Variants in CDC42 observed in about 807,000 individuals in gnomAD.
CDC42 encodes cell division cycle 42.
In CDC42, 1 loss-of-function variant was observed where a neutral mutation model predicts 20.8. That is an observed-to-expected ratio of 0.05 (90% CI 0.02 to 0.23). CDC42 has a LOEUF of 0.23. Among genes scored for constraint, CDC42 ranks in the 10% least tolerant of loss-of-function variants. The pLI is 1.00. For missense variants in CDC42, 49 were observed against 227.9 expected (o/e 0.21, Z 5.05); for synonymous variants, 72 against 84.8 (o/e 0.85, Z 0.83).
chr1:22,060,743 A>T (rs1399969740), intron 1 of CDC42, among the ~76,000 whole-genome samples: 1 of 152,182 alleles, frequency 6.6e-6, no homozygotes, highest in Admixed American at 6.5e-5. Flanking sequence ...TTGGAGAAGA[A>T]CTCAGTTTTA....
In CDC42 at chr1:22,099,693, C is replaced by T. The variant is rs1416431179; in HGVS notation, c.*8176C>T. Among the ~76,000 whole-genome samples, 3 of 152,070 alleles carry T rather than the reference C, an allele frequency of 2.0e-5. No individual in the cohort carries two copies. The highest frequency in any genetic ancestry group is 7.3e-5 in the African/African-American group (3 of 41,378). ...AGTTGTAGCATGAGAGAATATGACA[C>T]CTTCTTCCTTTAGAGGATCTAAAGG... On this transcript the variant is annotated 3_prime_UTR_variant, in exon 6 of 6. Transcript: ENST00000656825.
chr1:22,086,267 G>A (rs1251415597), intron 3 of CDC42, among the ~76,000 whole-genome samples, 172 bp from the exon 4 acceptor site: 1 of 152,158 alleles, frequency 6.6e-6, no homozygotes, highest in African/African-American at 2.4e-5. Context: ...CTGAGTGCTT[G>A]AAGTTTGTAG....
intron 1 of CDC42, among the ~76,000 whole-genome samples, chr1:22,060,252 C>T (rs778076054): frequency 6.6e-6 from 1 of 152,018 alleles, no homozygotes; most frequent in African/African-American, 2.4e-5. Context: ...GCACGAGAAT[C>T]GCTTGAACCT....
intron 3 of CDC42, among the ~76,000 whole-genome samples, chr1:22,082,057 A>G (rs753694054): frequency 9.2e-5 from 14 of 152,188 alleles, no homozygotes; most frequent in Non-Finnish European, 1.8e-4. Context: ...CAAGCTCCAA[A>G]TTGAACTAAA....
At chr1:22,083,974 AGTT>A (rs1645633870) in intron 3 of CDC42, among the ~76,000 whole-genome samples, 1 of 152,162 alleles carries the variant, frequency 6.6e-6, no homozygotes, top group African/African-American at 2.4e-5. Flanking sequence ...GTGTATTGGT[AGTT>A]GTTTCTTTTG....
intron 1 of CDC42, among the ~76,000 whole-genome samples, chr1:22,072,134 G>C (rs932575627): frequency 9.1e-6 from 1 of 109,572 alleles, no homozygotes; most frequent in African/African-American, 3.7e-5. Context: ...GTCTCGCTCT[G>C]TTGCCCAGGC....
chr1:22,087,423 C>T (rs552344533), intron 5 of CDC42, among the ~76,000 whole-genome samples: 42 of 152,104 alleles, frequency 2.8e-4, no homozygotes, highest in Admixed American at 1.6e-3. Context: ...TCATGCATTC[C>T]GGCCGTTTTT....
In CDC42 at chr1:22,094,707, A is replaced by G. The variant is rs1355453307; in HGVS notation, c.*3190A>G. 6.6e-6 allele frequency among the ~76,000 whole-genome samples: 1 copy of G among 152,146 alleles called. No individual in the cohort carries two copies. Among genetic ancestry groups the G allele is most frequent in the Non-Finnish European group, 1.5e-5 (1 of 68,018 alleles). On this transcript the variant is annotated 3_prime_UTR_variant, in exon 6 of 6. Transcript: ENST00000656825. ...ATTGTGGTTTAAAAGAACAATTGTA[A>G]TATTTCCTTCATTCTGAGGTGTATT...
intron 1 of CDC42, among the ~76,000 whole-genome samples, chr1:22,054,921 ATTTTTTTTTTTTTTTTT>A (rs1180547322): frequency 5.7e-4 from 11 of 19,376 alleles, no homozygotes; most frequent in East Asian, 2.3e-3. Flanking sequence ...ATATATATAT[ATTTTTTTTTTTTTTTTT>A]TTTTTTTTTT....
chr1:22,056,043 C>T (rs970535834), intron 1 of CDC42, among the ~76,000 whole-genome samples: 1 of 152,156 alleles, frequency 6.6e-6, no homozygotes, highest in East Asian at 1.9e-4. Flanking sequence ...TCAGTGTTCT[C>T]TTCCACATAG....
intron 1 of CDC42, among the ~76,000 whole-genome samples, chr1:22,062,797 G>A (rs1186215002): frequency 6.9e-6 from 1 of 144,210 alleles, no homozygotes; most frequent in African/African-American, 2.6e-5. Flanking sequence ...TTTGTCTATG[G>A]TACAAACCTA....
intron 1 of CDC42, among the ~76,000 whole-genome samples, chr1:22,073,028 G>A (rs1030947255): frequency 1.3e-5 from 2 of 152,148 alleles, no homozygotes. Context: ...TGGGGCACGG[G>A]AAAATAGGGC....
At chr1:22,054,905 ATATATATATATATATATTTTTTTTTTTT>A (rs1645279754) in intron 1 of CDC42, among the ~76,000 whole-genome samples, 5 of 12,110 alleles carry the variant, frequency 4.1e-4, no homozygotes, top group South Asian at 4.5e-3. Flanking sequence ...ATATATATAT[ATATATATATATATATATTTTTTTTTTTT>A]TTTTTTTTTT....
At chr1:22,058,155 G>A (rs1459380334) in intron 1 of CDC42, among the ~76,000 whole-genome samples, 2 of 152,076 alleles carry the variant, frequency 1.3e-5, no homozygotes, top group African/African-American at 2.4e-5. Flanking sequence ...AGAACTATCA[G>A]GATTCATCCC....
At chr1:22,069,240 A>G (rs1038940422) in intron 1 of CDC42, among the ~76,000 whole-genome samples, 3 of 144,530 alleles carry the variant, frequency 2.1e-5, no homozygotes, top group Admixed American at 7.2e-5. Context: ...CAGTGGCACA[A>G]TCACGGCTCA....
chr1:22,061,843 G>C (rs1286382844), intron 1 of CDC42, among the ~76,000 whole-genome samples: 1 of 151,910 alleles, frequency 6.6e-6, no homozygotes, highest in Non-Finnish European at 1.5e-5. Flanking sequence ...TTACAGGCGT[G>C]AGCCACTGCG....
chr1:22,085,946 C>T (rs369460417), intron 3 of CDC42, among the ~76,000 whole-genome samples: 1 of 152,110 alleles, frequency 6.6e-6, no homozygotes, highest in Non-Finnish European at 1.5e-5. Flanking sequence ...TCTGGGTTCA[C>T]GTGATTCTTC....
At chr1:22,080,126 C>A (rs997999597) in intron 2 of CDC42, among the ~76,000 whole-genome samples, 2 of 152,146 alleles carry the variant, frequency 1.3e-5, no homozygotes, top group Non-Finnish European at 2.9e-5. Flanking sequence ...TATATATTGT[C>A]TTACCCATCT....
Position 22,091,791 on chromosome 1 carries a change from G to GTTTTTTTTTTTTTTTTTTTTTTT in CDC42, c.*275_*276insTTTTTTTTTTTTTTTTTTTTTTT, listed in dbSNP as rs150558595. ...TCAAAAAAAAAATTTTTGTGTGTGT[G>GTTTTTTTTTTTTTTTTTTTTTTT]TGTTTTTTTTTTTTTTTTTTTTGTT... On this transcript the variant is annotated 3_prime_UTR_variant, in exon 6 of 6. Transcript: ENST00000656825. 1.3e-5 allele frequency: 1 copy of GTTTTTTTTTTTTTTTTTTTTTTT among 77,878 alleles called. No individual in the cohort carries two copies. 4.8% of individuals were successfully genotyped at this position (77,878 alleles called of 1,614,324 possible). A position where few individuals can be genotyped will look rare whatever the true frequency, so the allele number is the denominator to read the frequency against.
Sources: allele counts gnomAD v4.1 joint callset (sites outside exome capture counted in the v4.1 genomes callset), GRCh38; gene constraint gnomAD v4.1.1; transcripts MANE v1.5; gene names NCBI Gene and HGNC (gene_info 2026-07-23, HGNC 2026-07-21).